The following DPY19L2 variants were observed in gnomAD, a reference collection of about 807,000 sequenced individuals.
DPY19L2 encodes dpy-19 like 2.
DPY19L2 carries 34 observed loss-of-function variants against 97.9 expected under a neutral mutation model. The ratio of observed to expected loss-of-function variants is 0.35; its 90% CI spans 0.26 to 0.46. The LOEUF (loss-of-function observed/expected upper bound fraction) is 0.46. Among genes scored for constraint, DPY19L2 ranks in the 20% least tolerant of loss-of-function variants. The pLI, the probability that DPY19L2 is intolerant of heterozygous loss-of-function variation, is 1.00. For missense variants in DPY19L2, 623 were observed against 911.4 expected (o/e 0.68, Z 4.07); for synonymous variants, 230 against 307.9 (o/e 0.75, Z 2.65).
intron 15 of DPY19L2, among the ~76,000 whole-genome samples, chr12:63,594,535 TGTGTGTA>T (rs1883824424): frequency 8.6e-6 from 1 of 116,394 alleles, no homozygotes; most frequent in Non-Finnish European, 2.1e-5. Context: ...TGTGTGTGTA[TGTGTGTA>T]TGTGTGTATG....
chr12:63,652,518 A>AAAG (rs1416805657), intron 4 of DPY19L2, among the ~76,000 whole-genome samples: 1 of 152,174 alleles, frequency 6.6e-6, no homozygotes, highest in Non-Finnish European at 1.5e-5. Context: ...ACATGGAATC[A>AAAG]ACCTAAATGC....
intron 1 of DPY19L2, chr12:63,666,620 T>G (rs117075066): frequency 0.11 from 30,947 of 287,518 alleles, 2,065 homozygotes; most frequent in East Asian, 0.28. Context: ...ACTTTGCTTT[T>G]CTTATAGAGG....
chr12:63,577,806 C>T (rs3105639), intron 19 of DPY19L2, among the ~76,000 whole-genome samples: 1 of 151,458 alleles, frequency 6.6e-6, no homozygotes, highest in African/African-American at 2.4e-5. Context: ...AGACAGGAAA[C>T]GATGTGGAGA....
chr12:63,575,327 G>A (rs1267372866), intron 19 of DPY19L2, among the ~76,000 whole-genome samples: 1 of 151,922 alleles, frequency 6.6e-6, no homozygotes, highest in East Asian at 1.9e-4. Context: ...GCAGTATTAA[G>A]AGGGAAGTCT....
At chr12:63,605,188 G>A (rs183286582) in intron 12 of DPY19L2, among the ~76,000 whole-genome samples, 1 of 152,290 alleles carries the variant, frequency 6.6e-6, no homozygotes, top group East Asian at 1.9e-4. Context: ...GTTGCCATGA[G>A]GTGGAGGGTG....
rs1445910965 is a variant in DPY19L2 at position 63,651,368 on chromosome 12, A to C, written c.589-4003T>G. Among the ~76,000 whole-genome samples, 15 of 152,176 alleles carry C rather than the reference A, an allele frequency of 9.9e-5. 1 individual carries two copies. The highest frequency in any genetic ancestry group is 1.5e-4 in the Non-Finnish European group (10 of 68,028). ...CAAAAATTTCATGATGAAGATGCCAAAAGCAATTGCAACAAAACAAAGATT... is the reference window on the plus strand; with the variant it reads ...CAAAAATTTCATGATGAAGATGCCACAAGCAATTGCAACAAAACAAAGATT... On this transcript the variant is annotated intron_variant, in intron 4 of 21. Transcript: ENST00000324472.
At chr12:63,630,713 G>A (rs548005147) in intron 6 of DPY19L2, among the ~76,000 whole-genome samples, 153 of 151,676 alleles carry the variant, frequency 1.0e-3, no homozygotes, top group African/African-American at 3.3e-3. Flanking sequence ...TGCACCAGGC[G>A]CACCTAATAG....
chr12:63,640,890 T>G (rs146184389), intron 6 of DPY19L2, among the ~76,000 whole-genome samples: 2,043 of 152,236 alleles, frequency 0.013, 24 homozygotes, highest in Non-Finnish European at 0.021. Flanking sequence ...TTCATTTATT[T>G]ATTGATTTAT....
At chr12:63,570,648 TG>T in intron 20 of DPY19L2, 109 bp downstream of exon 20, 1 of 34,986 alleles carries the variant, frequency 2.9e-5, no homozygotes, top group Non-Finnish European at 4.0e-5. Flanking sequence ...AGGATGAGTT[TG>T]TGTGTGTGTG....
chr12:63,583,769 A>G, intron 17 of DPY19L2, 43 bp downstream of exon 17: 2 of 1,600,422 alleles, frequency 1.2e-6, no homozygotes, highest in Non-Finnish European at 1.7e-6. Context: ...TCAAACTACA[A>G]TTTAATACAC....
chr12:63,634,474 A>T (rs1891294628), intron 6 of DPY19L2, among the ~76,000 whole-genome samples: 1 of 152,168 alleles, frequency 6.6e-6, no homozygotes, highest in African/African-American at 2.4e-5. Context: ...CCCACGGAGC[A>T]GGGTGGGGCA....
At position 63,621,334 on chromosome 12, in the gene DPY19L2, G is replaced by A; in HGVS notation, c.957C>T (p.Thr319=). 1.1e-6 allele frequency: 1 copy of A among 938,994 alleles called. No individual in the cohort carries two copies. The highest frequency in any genetic ancestry group is 1.7e-6 in the Non-Finnish European group (1 of 600,158). 58.2% of individuals were successfully genotyped at this position (938,994 alleles called of 1,614,324 possible). ...QMCILTLILR[T]SSNDRRPFIA... is the part of the protein sequence containing the mutation. Reference sequence around the variant, plus strand: ...TGAAGGGCCTTCTATCATTGCTTGAGGTCCTTAATAGAGAGAATTGATACC... The same window carrying A: ...TGAAGGGCCTTCTATCATTGCTTGAAGTCCTTAATAGAGAGAATTGATACC... The change falls in exon 9 of 22, where the codon ACC becomes ACT. Residue 319 remains threonine (T), a synonymous_variant. Coordinates refer to ENST00000324472, the MANE Select transcript of DPY19L2 (RefSeq NM_173812.5).
chr12:63,616,847 C>T (rs1449160941), intron 11 of DPY19L2, among the ~76,000 whole-genome samples: 2 of 152,040 alleles, frequency 1.3e-5, no homozygotes, highest in African/African-American at 4.8e-5. Flanking sequence ...CCCAATCACA[C>T]AAAATATTCA....
At chr12:63,667,294 A>T (rs1896443346) in intron 1 of DPY19L2, among the ~76,000 whole-genome samples, 5 of 152,274 alleles carry the variant, frequency 3.3e-5, no homozygotes, top group Admixed American at 3.3e-4. Context: ...AAAACTCTTC[A>T]GATGATATAT....
chr12:63,612,915 A>C lies in DPY19L2; in HGVS notation c.1219-4240T>G, dbSNP rs189921501. On this transcript the variant is annotated intron_variant, in intron 11 of 21. Coordinates refer to ENST00000324472, the MANE Select transcript of DPY19L2 (RefSeq NM_173812.5). The stretch of plus-strand genomic sequence containing the variant: ...TGTCAATGAATTTGACATCATAAAT[A>C]AAATTTAAAAATTCCTTGAAAGATA... 2.7e-3 allele frequency among the ~76,000 whole-genome samples: 406 copies of C among 152,238 alleles called. 3 individuals carry two copies. Among genetic ancestry groups the C allele is most frequent in the African/African-American group, 9.2e-3 (381 of 41,574 alleles).
At chr12:63,612,285 G>A (rs3884370) in intron 11 of DPY19L2, among the ~76,000 whole-genome samples, 1 of 151,864 alleles carries the variant, frequency 6.6e-6, no homozygotes, top group African/African-American at 2.4e-5. Flanking sequence ...GAATACAGTA[G>A]GTCAATCTGG....
In DPY19L2 at chr12:63,612,758, A is replaced by G. The variant is rs145090033; in HGVS notation, c.1219-4083T>C. On this transcript the variant is annotated intron_variant, in intron 11 of 21. Coordinates refer to ENST00000324472, the MANE Select transcript of DPY19L2 (RefSeq NM_173812.5). ...AAAAGCTCGTTCCTTAAGAAAATTA[A>G]TAAAATTGATATACCTCTAACCAGA... Among the ~76,000 whole-genome samples the G allele has an allele frequency of 5.9e-3, 903 of 151,970 alleles. 2 individuals carry two copies. The highest frequency in any genetic ancestry group is 0.021 in the African/African-American group (867 of 41,458).
At chr12:63,592,582 C>T (rs1178847444) in intron 16 of DPY19L2, among the ~76,000 whole-genome samples, 1 of 149,174 alleles carries the variant, frequency 6.7e-6, no homozygotes, top group Non-Finnish European at 1.5e-5. Flanking sequence ...AACTGGCTAG[C>T]CATATGTAGA....
At chr12:63,665,900 T>G (rs1896280977) in intron 1 of DPY19L2, 41 bp from the exon 2 acceptor site, 1 of 1,502,230 alleles carries the variant, frequency 6.7e-7, no homozygotes, top group South Asian at 1.2e-5. Context: ...ATAGCTGCTT[T>G]ATTATAAAAT....
Sources: gnomAD v4.1 joint callset for allele counts (sites outside exome capture counted in the v4.1 genomes callset) on GRCh38, gnomAD v4.1.1 for gene constraint, MANE v1.5 for transcripts, NCBI Gene and HGNC (gene_info 2026-07-23, HGNC 2026-07-21) for gene names.